The following NSMCE4A variants were observed in gnomAD, a reference collection of about 807,000 sequenced individuals.
NSMCE4A encodes the protein non-structural maintenance of chromosomes element 4 homolog A.
A neutral mutation model predicts 47.9 loss-of-function variants in NSMCE4A; 40 were observed. The observed-to-expected ratio is 0.83, with a 90% CI of 0.65 to 1.09. NSMCE4A has a LOEUF of 1.09. Ranked by LOEUF, NSMCE4A falls within the 50% of genes least tolerant of loss-of-function variation. The pLI, the probability that NSMCE4A is intolerant of heterozygous loss-of-function variation, is 0.00. For synonymous variants in NSMCE4A, 166 were observed against 178.5 expected (o/e 0.93, Z 0.56); for missense variants, 500 against 507.0 (o/e 0.99, Z 0.13).
At position 121,974,705 on chromosome 10, in the gene NSMCE4A, CTT is replaced by C; in HGVS notation, c.292+167_292+168del. 2.7e-6 allele frequency: 3 copies of C among 1,125,636 alleles called. 1 individual carries two copies. The South Asian group carries it at 1.3e-4, about 50-fold the overall frequency. 69.7% of individuals were successfully genotyped at this position (1,125,636 alleles called of 1,614,324 possible). A position where few individuals can be genotyped will look rare whatever the true frequency, so the allele number is the denominator to read the frequency against. On this transcript the variant is annotated intron_variant, in intron 1 of 10. Transcript: ENST00000369023. ...CGGCTCCAGCCACAAAGTGGGAGCACTTTGTCAACAATTTAAGGTGCGGCGAG... is the reference window on the plus strand; with the variant it reads ...CGGCTCCAGCCACAAAGTGGGAGCACTGTCAACAATTTAAGGTGCGGCGAG...
intron 3 of NSMCE4A, among the ~76,000 whole-genome samples, chr10:121,969,753 T>C (rs1952672459): frequency 6.6e-6 from 1 of 152,342 alleles, no homozygotes; most frequent in Middle Eastern, 3.4e-3. Context: ...TCTCACTCTG[T>C]AGCCCAGGCT....
chr10:121,959,660 G>A (rs1045700911), intron 8 of NSMCE4A, 65 bp from the exon 9 acceptor site: 10 of 1,030,946 alleles, frequency 9.7e-6, no homozygotes, highest in African/African-American at 4.7e-5. Flanking sequence ...TAATCTAAAC[G>A]GAAACTGATG....
chr10:121,970,860 C>A, intron 3 of NSMCE4A, 79 bp downstream of exon 3: 1 of 1,230,800 alleles, frequency 8.1e-7, no homozygotes. Flanking sequence ...AAATCATCTG[C>A]ATATGGATAT....
At chr10:121,970,531 A>G (rs1952688840) in intron 3 of NSMCE4A, among the ~76,000 whole-genome samples, 1 of 151,768 alleles carries the variant, frequency 6.6e-6, no homozygotes, top group South Asian at 2.1e-4. Flanking sequence ...TGGTTTTGAA[A>G]TATTCTCAAA....
chr10:121,965,497 A>G (rs1952590849), intron 4 of NSMCE4A, 112 bp from the exon 5 acceptor site: 2 of 724,762 alleles, frequency 2.8e-6, no homozygotes, highest in East Asian at 2.5e-5. Flanking sequence ...ACCAGACATC[A>G]GTGATATACA....
At chr10:121,973,331 T>A (rs1271967442) in intron 2 of NSMCE4A, among the ~76,000 whole-genome samples, 1 of 151,724 alleles carries the variant, frequency 6.6e-6, no homozygotes, top group Non-Finnish European at 1.5e-5. Flanking sequence ...GTGGTCTGGG[T>A]AGTAGTCCTG....
chr10:121,959,274 G>C, intron 10 of NSMCE4A, 50 bp downstream of exon 10: 1 of 1,502,502 alleles, frequency 6.7e-7, no homozygotes, highest in South Asian at 1.1e-5. Context: ...ACTTTGGATT[G>C]CCAAATGAAC....
In NSMCE4A at chr10:121,961,463, C is replaced by A; in HGVS notation, c.899G>T (p.Arg300Leu). Residue 300 changes from arginine (R) to leucine (L), a missense_variant, in exon 7 of 11, where the codon CGT becomes CTT. Transcript: ENST00000369023. ...AACATGAAAGATGTTTTCCACTGTA[C>A]GGGGGAAAGAATGAGGATCAACCAC... is the stretch of plus-strand genomic sequence containing the variant. ...DFVVDPHSFP[R>L]TVENIFHVSF... 6.3e-7 allele frequency: 1 copy of A among 1,577,252 alleles called. No homozygotes were observed. Among genetic ancestry groups the A allele is most frequent in the Non-Finnish European group, 8.5e-7 (1 of 1,169,826 alleles).
chr10:121,959,413 G>A lies in NSMCE4A; in HGVS notation c.1084-3C>T. On this transcript the variant is annotated splice_polypyrimidine_tract_variant and splice_region_variant and intron_variant, in intron 9 of 10. Transcript: ENST00000369023. ...ATCTCAAAGGTCTTCACAATCTCCT[G>A]GCAGACAATAATGAACATTTAGGCA... The A allele has an allele frequency of 6.2e-7, 1 of 1,614,128 alleles. No individual in the cohort carries two copies. Among genetic ancestry groups the A allele is most frequent in the Non-Finnish European group, 8.5e-7 (1 of 1,179,980 alleles).
intron 5 of NSMCE4A, among the ~76,000 whole-genome samples, chr10:121,963,771 T>C (rs1952548074): frequency 6.6e-6 from 1 of 152,064 alleles, no homozygotes; most frequent in South Asian, 2.1e-4. Flanking sequence ...TCCCAGCTAC[T>C]CAGGAGGCTG....
intron 2 of NSMCE4A, among the ~76,000 whole-genome samples, chr10:121,972,962 G>A (rs1257453848): frequency 6.6e-6 from 1 of 152,144 alleles, no homozygotes; most frequent in Non-Finnish European, 1.5e-5. Flanking sequence ...ACCAGCCGGG[G>A]GCGGTGGCTC....
At chr10:121,968,178 G>C (rs1302320713) in intron 3 of NSMCE4A, among the ~76,000 whole-genome samples, 2 of 152,128 alleles carry the variant, frequency 1.3e-5, no homozygotes, top group Non-Finnish European at 2.9e-5. Flanking sequence ...AGGCCATGGA[G>C]GCTGTTGAAT....
intron 5 of NSMCE4A, among the ~76,000 whole-genome samples, chr10:121,964,677 T>C (rs1399681195): frequency 7.3e-6 from 1 of 137,896 alleles, no homozygotes; most frequent in Non-Finnish European, 1.6e-5. Flanking sequence ...CCTGACCTTG[T>C]GATCTGCCCG....
chr10:121,960,305 C>A lies in NSMCE4A; in HGVS notation c.988+53G>T. On this transcript the variant is annotated intron_variant, in intron 8 of 10. Coordinates refer to ENST00000369023, the MANE Select transcript of NSMCE4A (RefSeq NM_017615.3). The surrounding 1 kb of genome is among the most constrained non-coding windows in gnomAD (Gnocchi z 4.2). ...CATTTAGTAAAATACTTAAATTCTACTAACAAATATATTTTCTCTAAAACT... is the reference window on the plus strand; with the variant it reads ...CATTTAGTAAAATACTTAAATTCTAATAACAAATATATTTTCTCTAAAACT... 8.7e-7 allele frequency: 1 copy of A among 1,150,054 alleles called. No individual in the cohort carries two copies. The highest frequency in any genetic ancestry group is 1.2e-6 in the Non-Finnish European group (1 of 843,686). 71.2% of individuals were successfully genotyped at this position (1,150,054 alleles called of 1,614,324 possible).
intron 2 of NSMCE4A, among the ~76,000 whole-genome samples, chr10:121,972,278 C>T (rs557834753): frequency 1.3e-5 from 2 of 152,122 alleles, no homozygotes; most frequent in African/African-American, 2.4e-5. Flanking sequence ...GAGCCAAGAT[C>T]ATGCCACTGC....
chr10:121,973,590 T>G (rs908739405), intron 2 of NSMCE4A, among the ~76,000 whole-genome samples: 1 of 152,046 alleles, frequency 6.6e-6, no homozygotes, highest in Admixed American at 6.6e-5. Flanking sequence ...CGTGGACCAA[T>G]AGCAGGGAGC....
intron 10 of NSMCE4A, among the ~76,000 whole-genome samples, chr10:121,957,611 CT>C (rs1952421784): frequency 6.6e-6 from 1 of 151,476 alleles, no homozygotes; most frequent in Non-Finnish European, 1.5e-5. Context: ...TTTTTTTGTA[CT>C]TTTAGTAGAG....
chr10:121,963,711 T>A (rs1218564837), intron 5 of NSMCE4A, among the ~76,000 whole-genome samples: 1 of 152,030 alleles, frequency 6.6e-6, no homozygotes, highest in Non-Finnish European at 1.5e-5. Flanking sequence ...AAACCCCATC[T>A]CTACTAAAAA....
chr10:121,963,597 AT>A (rs34978817), intron 5 of NSMCE4A, among the ~76,000 whole-genome samples: 35,457 of 148,374 alleles, frequency 0.24, 4,295 homozygotes, highest in Admixed American at 0.33. Flanking sequence ...CACCTGGCTA[AT>A]TTTTTTTTTT....
Sources: gnomAD v4.1 joint callset for allele counts (sites outside exome capture counted in the v4.1 genomes callset) on GRCh38, gnomAD v4.1.1 for gene constraint, Gnocchi (gnomAD v3.1) non-coding constraint, MANE v1.5 for transcripts, NCBI Gene and HGNC (gene_info 2026-07-23, HGNC 2026-07-21) for gene names.